The following RBFOX1 variants were observed in gnomAD, a reference collection of about 807,000 sequenced individuals.
RBFOX1 encodes RNA binding protein fox-1 homolog 1.
A neutral mutation model predicts 57.7 loss-of-function variants in RBFOX1; 8 were observed. The ratio of observed to expected loss-of-function variants is 0.14; its 90% CI spans 0.08 to 0.25. RBFOX1 has a LOEUF of 0.25. Among genes scored for constraint, RBFOX1 ranks in the 10% least tolerant of loss-of-function variants. RBFOX1 has a pLI of 1.00. For missense variants in RBFOX1, 611 were observed against 548.5 expected, an observed-to-expected ratio of 1.11 and a Z score of -1.14; for synonymous variants, 326 against 222.4, an observed-to-expected ratio of 1.47 and a Z score of -4.15.
At chr16:6,935,163 C>G (rs1042441889) in intron 3 of RBFOX1, among the ~76,000 whole-genome samples, 1 of 152,040 alleles carries the variant, frequency 6.6e-6, no homozygotes. Flanking sequence ...GCCTATCTGG[C>G]CTAATTTTCC....
intron 2 of RBFOX1, among the ~76,000 whole-genome samples, chr16:5,505,966 G>T (rs1478490185): frequency 6.6e-6 from 1 of 151,898 alleles, no homozygotes; most frequent in African/African-American, 2.4e-5. Flanking sequence ...CTCCCCTCCC[G>T]CATTGACCCA....
chr16:7,253,613 T>C (rs1254642433), intron 4 of RBFOX1, among the ~76,000 whole-genome samples: 1 of 152,190 alleles, frequency 6.6e-6, no homozygotes, highest in East Asian at 1.9e-4. Flanking sequence ...CTCTTTTCCT[T>C]TTTCTGTTCA....
At chr16:7,495,293 C>G (rs2068256651) in intron 4 of RBFOX1, among the ~76,000 whole-genome samples, 1 of 152,188 alleles carries the variant, frequency 6.6e-6, no homozygotes, top group African/African-American at 2.4e-5. Flanking sequence ...GTGCAGGTGT[C>G]TTTCTGAGAT....
chr16:6,471,144 T>C (rs1371666207), intron 2 of RBFOX1, among the ~76,000 whole-genome samples: 1 of 152,172 alleles, frequency 6.6e-6, no homozygotes. Context: ...ATCAACCCTT[T>C]CCATCAGTTC....
At chr16:6,944,422 AAAG>A (rs1413960995) in intron 3 of RBFOX1, among the ~76,000 whole-genome samples, 1 of 151,854 alleles carries the variant, frequency 6.6e-6, no homozygotes, top group Non-Finnish European at 1.5e-5. Context: ...AAAAGAAAGA[AAAG>A]AAAAAAGAAG....
At chr16:7,630,207 G>T (rs972201354) in intron 10 of RBFOX1, among the ~76,000 whole-genome samples, 2 of 152,100 alleles carry the variant, frequency 1.3e-5, no homozygotes, top group Non-Finnish European at 2.9e-5. Context: ...CTGAGGCACA[G>T]AGAGGTACAG....
intron 3 of RBFOX1, among the ~76,000 whole-genome samples, chr16:6,961,202 C>T (rs1326893948): frequency 7.5e-6 from 1 of 133,682 alleles, no homozygotes; most frequent in African/African-American, 2.8e-5. Flanking sequence ...AGATTAAATG[C>T]ATGGGATAGT....
chr16:5,471,119 C>T (rs888662474), intron 2 of RBFOX1, among the ~76,000 whole-genome samples: 1 of 152,142 alleles, frequency 6.6e-6, no homozygotes. Flanking sequence ...CAGGCGTGAG[C>T]CACTGTGCCC....
At chr16:5,272,665 G>A (rs2151127638) in intron 1 of RBFOX1, among the ~76,000 whole-genome samples, 1 of 152,292 alleles carries the variant, frequency 6.6e-6, no homozygotes, top group East Asian at 1.9e-4. Context: ...GACTTCATTT[G>A]AGATGTGGGG....
At chr16:5,430,174 G>A (rs1002832637) in intron 1 of RBFOX1, among the ~76,000 whole-genome samples, 33 of 152,124 alleles carry the variant, frequency 2.2e-4, no homozygotes, top group African/African-American at 7.0e-4. Flanking sequence ...CTTCATGGAC[G>A]GACCAGCCAG....
intron 2 of RBFOX1, among the ~76,000 whole-genome samples, chr16:6,620,169 C>T (rs940186403): frequency 5.3e-5 from 8 of 152,116 alleles, no homozygotes; most frequent in Admixed American, 3.9e-4. Flanking sequence ...CACAGCATAA[C>T]TAAATTCAAA....
At chr16:6,127,874 G>A (rs1452502185) in intron 1 of RBFOX1, among the ~76,000 whole-genome samples, 1 of 152,186 alleles carries the variant, frequency 6.6e-6, no homozygotes, top group African/African-American at 2.4e-5. Context: ...GAAAAGGGAA[G>A]TTTTTGACCT....
chr16:6,696,744 C>T (rs1544616), intron 3 of RBFOX1, among the ~76,000 whole-genome samples: 3 of 151,880 alleles, frequency 2.0e-5, no homozygotes, highest in African/African-American at 4.8e-5. Flanking sequence ...CAAAACCTTT[C>T]GAAATGCAGT....
intron 1 of RBFOX1, among the ~76,000 whole-genome samples, chr16:6,249,772 CTTTTTTTTT>C (rs55802545): frequency 7.1e-6 from 1 of 140,668 alleles, no homozygotes; most frequent in African/African-American, 2.6e-5. Flanking sequence ...CATTTTTTTT[CTTTTTTTTT>C]TTTTTTATTA....
chr16:5,524,485 C>T (rs1338394502), intron 2 of RBFOX1, among the ~76,000 whole-genome samples: 2 of 151,312 alleles, frequency 1.3e-5, no homozygotes, highest in African/African-American at 4.9e-5. Context: ...GATTTATATT[C>T]CTTTCGGTTT....
intron 2 of RBFOX1, among the ~76,000 whole-genome samples, chr16:6,524,547 A>C (rs2096552828): frequency 2.0e-5 from 3 of 152,136 alleles, no homozygotes; most frequent in Admixed American, 1.3e-4. Flanking sequence ...GGGTACCACA[A>C]GGTTGTGGGC....
chr16:6,874,164 G>A (rs1045960927), intron 3 of RBFOX1, among the ~76,000 whole-genome samples: 14 of 113,384 alleles, frequency 1.2e-4, no homozygotes, highest in Non-Finnish European at 2.1e-4. Flanking sequence ...AGTGGATAAA[G>A]AAACTATGGT....
intron 4 of RBFOX1, among the ~76,000 whole-genome samples, chr16:6,009,185 C>T (rs777667801): frequency 1.3e-5 from 2 of 151,662 alleles, no homozygotes; most frequent in Non-Finnish European, 2.9e-5. Context: ...AACAGTGATT[C>T]CAGGTCCAGG....
intron 4 of RBFOX1, among the ~76,000 whole-genome samples, chr16:7,267,209 G>A (rs562877164): frequency 6.6e-6 from 1 of 152,178 alleles, no homozygotes; most frequent in African/African-American, 2.4e-5. Flanking sequence ...GACCAGCCTG[G>A]CCAACATGGC....
Sources: gnomAD v4.1 joint callset for allele counts (sites outside exome capture counted in the v4.1 genomes callset) on GRCh38, gnomAD v4.1.1 for gene constraint, MANE v1.5 for transcripts, NCBI Gene and HGNC (gene_info 2026-07-23, HGNC 2026-07-21) for gene names.